PRKN: variants seen among roughly 807,000 people sequenced by gnomAD.
PRKN encodes the protein E3 ubiquitin-protein ligase parkin.
Under a neutral mutation model 59.5 loss-of-function variants are expected in PRKN, and 56 were observed. That is an observed-to-expected ratio of 0.94 (90% CI 0.76 to 1.18). The LOEUF (loss-of-function observed/expected upper bound fraction) is 1.18. PRKN is among the 50% of genes most tolerant of loss of function. PRKN has a pLI of 0.00. For missense variants in PRKN, 657 were observed against 596.4 expected (o/e 1.10, Z -1.06); for synonymous variants, 250 against 222.1 (o/e 1.13, Z -1.12).
At chr6:162,352,845 C>A (rs976332215) in intron 2 of PRKN, among the ~76,000 whole-genome samples, 1 of 152,052 alleles carries the variant, frequency 6.6e-6, no homozygotes, top group South Asian at 2.1e-4. Flanking sequence ...TAAAAGTATC[C>A]ATTTTTCCCC....
chr6:161,895,478 C>T (rs1475076457), intron 6 of PRKN, among the ~76,000 whole-genome samples: 1 of 143,612 alleles, frequency 7.0e-6, no homozygotes, highest in East Asian at 2.0e-4. Flanking sequence ...CCCAGTGAGG[C>T]TTCTGAGATT....
At position 161,411,582 on chromosome 6, in the gene PRKN, C is replaced by T. The variant is rs763357151; in HGVS notation, c.1084-24705G>A. Among the ~76,000 whole-genome samples the T allele has an allele frequency of 9.2e-5, 14 of 152,286 alleles. No homozygotes were observed. In the East Asian group the frequency reaches 1.5e-3, roughly 17 times the overall value. On this transcript the variant is annotated intron_variant, in intron 9 of 11. Transcript: ENST00000366898. The stretch of plus-strand genomic sequence containing the variant: ...AAGAGACCAACACAGTGTCTGTCTG[C>T]GAACTCACTCATTCCCTTCTCACTC...
chr6:162,365,463 T>C (rs1236538470), intron 2 of PRKN, among the ~76,000 whole-genome samples: 2 of 152,168 alleles, frequency 1.3e-5, no homozygotes, highest in Non-Finnish European at 2.9e-5. Flanking sequence ...AATATGTACA[T>C]CAACTTCAAG....
At chr6:161,854,084 T>TTA (rs905091594) in intron 6 of PRKN, among the ~76,000 whole-genome samples, 1 of 103,708 alleles carries the variant, frequency 9.6e-6, no homozygotes, top group Non-Finnish European at 1.9e-5. Flanking sequence ...TGTTTCTACA[T>TTA]AAAAAAAAAA....
chr6:161,783,560 C>A (rs1179092553), intron 7 of PRKN: 7 of 468,078 alleles, frequency 1.5e-5, no homozygotes, highest in Admixed American at 2.9e-5. Context: ...TAAAAAGATA[C>A]ACATTAAAAG....
At position 162,398,051 on chromosome 6, in the gene PRKN, A is replaced by G. The variant is rs954061986; in HGVS notation, c.171+45259T>C. The stretch of plus-strand genomic sequence containing the variant: ...GATTCTGACTCAAAAAAAAAAAAAA[A>G]AAAGAAAGATTTTCTCAAATTTGTG... On this transcript the variant is annotated intron_variant, in intron 2 of 11. Transcript: ENST00000366898. Among the ~76,000 whole-genome samples the G allele has an allele frequency of 1.1e-4, 16 of 151,962 alleles. 1 individual carries two copies. In the East Asian group the frequency reaches 1.4e-3, roughly 13 times the overall value.
chr6:162,393,638 T>A (rs1787331109), intron 2 of PRKN, among the ~76,000 whole-genome samples: 1 of 152,156 alleles, frequency 6.6e-6, no homozygotes, highest in African/African-American at 2.4e-5. Flanking sequence ...ATCTAGACAA[T>A]CTTTATTAAA....
chr6:161,889,292 CACAA>C (rs751610577), intron 6 of PRKN, among the ~76,000 whole-genome samples: 5 of 152,088 alleles, frequency 3.3e-5, no homozygotes, highest in Non-Finnish European at 5.9e-5. Context: ...CCGATGATCA[CACAA>C]ACACTGTATA....
At chr6:162,506,262 A>C (rs1239014015) in intron 1 of PRKN, among the ~76,000 whole-genome samples, 1 of 147,684 alleles carries the variant, frequency 6.8e-6, no homozygotes, top group East Asian at 2.0e-4. Context: ...AAAAAAAAAA[A>C]AAAAAAAAAA....
At chr6:161,855,862 A>G (rs182282691) in intron 6 of PRKN, among the ~76,000 whole-genome samples, 5 of 152,326 alleles carry the variant, frequency 3.3e-5, no homozygotes, top group African/African-American at 9.6e-5. Context: ...ATTATCTAAC[A>G]TAAGAAAGTG....
intron 1 of PRKN, among the ~76,000 whole-genome samples, chr6:162,489,781 C>T (rs533146603): frequency 1.2e-4 from 18 of 152,214 alleles, no homozygotes; most frequent in Admixed American, 4.6e-4. Context: ...ATGTGCTGTC[C>T]GTGCACTCAC....
intron 1 of PRKN, among the ~76,000 whole-genome samples, chr6:162,511,347 A>G (rs187766373): frequency 1.3e-3 from 202 of 152,294 alleles, no homozygotes; most frequent in South Asian, 5.2e-3. Flanking sequence ...TTCTAGATGT[A>G]CATGTACCAT....
In PRKN at chr6:161,600,818, C is replaced by G. The variant is rs532222155; in HGVS notation, c.872-31402G>C. Reference sequence around the variant, plus strand: ...CTGATTCCCCTTTTCTCTCTTTCTTCTCAGAAGACACTATTAAAGCAGCTA... The same window carrying G: ...CTGATTCCCCTTTTCTCTCTTTCTTGTCAGAAGACACTATTAAAGCAGCTA... On this transcript the variant is annotated intron_variant, in intron 7 of 11. Coordinates refer to ENST00000366898, the MANE Select transcript of PRKN (RefSeq NM_004562.3). Among the ~76,000 whole-genome samples, 84 of 152,172 alleles carry G rather than the reference C, an allele frequency of 5.5e-4. No individual in the cohort carries two copies. In the South Asian group the frequency reaches 0.015, roughly 26 times the overall value.
At chr6:161,916,285 G>T (rs1391622436) in intron 6 of PRKN, among the ~76,000 whole-genome samples, 1 of 152,154 alleles carries the variant, frequency 6.6e-6, no homozygotes, top group Admixed American at 6.5e-5. Flanking sequence ...AAGAAGATGG[G>T]ACTGTTTATG....
rs963779097 is a variant in PRKN at position 161,566,654 on chromosome 6, G to C, written c.933+2701C>G. 2.6e-5 allele frequency among the ~76,000 whole-genome samples: 4 copies of C among 152,066 alleles called. No homozygotes were observed. Among genetic ancestry groups the C allele is most frequent in the Non-Finnish European group, 5.9e-5 (4 of 68,012 alleles). ...ACTCCTGACCTCAGGTGATCCATTC[G>C]CCTTAGCCTCCCAAAGATGTGGGAT... On this transcript the variant is annotated intron_variant, in intron 8 of 11. Transcript: ENST00000366898. This position sits in a 1 kb window ranked among gnomAD's most constrained non-coding sequence, Gnocchi z 4.1.
chr6:162,181,096 C>G (rs906990282), intron 4 of PRKN, among the ~76,000 whole-genome samples: 1 of 152,198 alleles, frequency 6.6e-6, no homozygotes, highest in Admixed American at 6.5e-5. Context: ...CATAACAATA[C>G]AAGCAAGTGA....
At chr6:161,368,721 A>G (rs1785323580) in intron 10 of PRKN, among the ~76,000 whole-genome samples, 1 of 125,928 alleles carries the variant, frequency 7.9e-6, no homozygotes, top group African/African-American at 3.1e-5. Flanking sequence ...CCAGCTGCCC[A>G]CCCGCCCTTC....
intron 7 of PRKN, among the ~76,000 whole-genome samples, chr6:161,754,452 G>A (rs1177965802): frequency 8.5e-5 from 13 of 152,092 alleles, no homozygotes; most frequent in Non-Finnish European, 1.3e-4. Context: ...GAGGCTGTCC[G>A]AGGGGTGGGG....
chr6:161,907,822 C>T (rs1048683685), intron 6 of PRKN, among the ~76,000 whole-genome samples: 9 of 152,088 alleles, frequency 5.9e-5, no homozygotes, highest in African/African-American at 1.7e-4. Flanking sequence ...TTATGCCTAT[C>T]GTCCCAGCAC....
Sources: allele counts gnomAD v4.1 joint callset (sites outside exome capture counted in the v4.1 genomes callset), GRCh38; gene constraint gnomAD v4.1.1; non-coding constraint Gnocchi (gnomAD v3.1); transcripts MANE v1.5; gene names NCBI Gene and HGNC (gene_info 2026-07-23, HGNC 2026-07-21).